The following CDH18 variants were observed in gnomAD, a reference collection of about 807,000 sequenced individuals.
CDH18 encodes the protein cadherin 18, also known as cadherin-18.
CDH18 carries 31 observed loss-of-function variants against 67.9 expected under a neutral mutation model. That is an observed-to-expected ratio of 0.46 (90% CI 0.34 to 0.62). The LOEUF is 0.62. CDH18 is among the 20% of genes least tolerant of loss of function. The pLI is 0.01. For missense variants in CDH18, 890 were observed against 975.5 expected, an observed-to-expected ratio of 0.91 and a Z score of 1.17; for synonymous variants, 362 against 347.2, an observed-to-expected ratio of 1.04 and a Z score of -0.48.
At chr5:20,141,793 G>A (rs934826002) in intron 2 of CDH18, among the ~76,000 whole-genome samples, 1 of 152,076 alleles carries the variant, frequency 6.6e-6, no homozygotes, top group African/African-American at 2.4e-5. Flanking sequence ...TGAATTGAAG[G>A]AGGAGGAATT....
intron 9 of CDH18, among the ~76,000 whole-genome samples, chr5:19,527,106 T>C: frequency 6.6e-6 from 1 of 151,924 alleles, no homozygotes; most frequent in Non-Finnish European, 1.5e-5. Context: ...ACGTGCTTGG[T>C]TAATGCTTTG....
intron 2 of CDH18, among the ~76,000 whole-genome samples, chr5:19,952,975 A>C (rs1795944560): frequency 6.6e-6 from 1 of 152,066 alleles, no homozygotes; most frequent in South Asian, 2.1e-4. Flanking sequence ...CTGACAAGGA[A>C]ATTAGACTAG....
At chr5:19,745,487 A>G (rs1251875340) in intron 4 of CDH18, among the ~76,000 whole-genome samples, 20 of 152,098 alleles carry the variant, frequency 1.3e-4, no homozygotes, top group Admixed American at 1.2e-3. Flanking sequence ...CACAGGTGGG[A>G]GCACCATAGA....
At chr5:20,489,234 C>A (rs1753426965) in intron 1 of CDH18, among the ~76,000 whole-genome samples, 1 of 152,024 alleles carries the variant, frequency 6.6e-6, no homozygotes, top group South Asian at 2.1e-4. Flanking sequence ...GATCTCTCCA[C>A]TCCCCTCTCA....
chr5:19,557,871 C>T (rs1294382672), intron 8 of CDH18, among the ~76,000 whole-genome samples: 1 of 151,972 alleles, frequency 6.6e-6, no homozygotes, highest in East Asian at 1.9e-4. Flanking sequence ...GGAACATTCT[C>T]CAAGAGAGAC....
At chr5:20,304,894 A>G (rs1172516339) in intron 1 of CDH18, 2 of 1,612,232 alleles carry the variant, frequency 1.2e-6, no homozygotes, top group African/African-American at 2.7e-5. Flanking sequence ...GTCTTTAAAG[A>G]TAGGTGTCAG....
intron 1 of CDH18, among the ~76,000 whole-genome samples, chr5:20,267,984 T>C (rs1745167030): frequency 6.6e-6 from 1 of 152,172 alleles, no homozygotes; most frequent in Non-Finnish European, 1.5e-5. Flanking sequence ...CCAGTGTTTA[T>C]CTTTCCCATC....
intron 2 of CDH18, among the ~76,000 whole-genome samples, chr5:19,963,007 G>A (rs956896179): frequency 6.6e-6 from 1 of 151,976 alleles, no homozygotes; most frequent in East Asian, 1.9e-4. Flanking sequence ...TTTTTTAAAT[G>A]TATTCTCTTA....
Position 20,334,645 on chromosome 5 carries a change from A to G in CDH18, c.-579-79140T>C, listed in dbSNP as rs558123315. On this transcript the variant is annotated intron_variant, in intron 1 of 14. Coordinates refer to the CDH18 transcript ENST00000507958. The stretch of plus-strand genomic sequence containing the variant: ...ATGGGGTGAAAGAAGAATAGTCCAC[A>G]TTAAGATTTCTATAACTAATAATAT... Among the ~76,000 whole-genome samples, 14 of 152,246 alleles carry G rather than the reference A, an allele frequency of 9.2e-5. No individual in the cohort carries two copies. The South Asian group carries it at 2.5e-3, about 27-fold the overall frequency.
chr5:20,526,080 T>C (rs1191141021), intron 1 of CDH18, among the ~76,000 whole-genome samples: 2 of 151,922 alleles, frequency 1.3e-5, no homozygotes, highest in Non-Finnish European at 2.9e-5. Flanking sequence ...CCCCTGCCAG[T>C]GCAAGGGAGG....
chr5:20,221,904 T>G (rs1741256767), intron 2 of CDH18, among the ~76,000 whole-genome samples: 1 of 152,198 alleles, frequency 6.6e-6, no homozygotes, highest in Non-Finnish European at 1.5e-5. Context: ...TGAAGTATTC[T>G]TTCTTCCTTT....
intron 1 of CDH18, among the ~76,000 whole-genome samples, chr5:20,436,059 A>C (rs549949895): frequency 6.6e-6 from 1 of 152,172 alleles, no homozygotes; most frequent in East Asian, 1.9e-4. Context: ...ATCTCATAAC[A>C]ATATTGGTTT....
At chr5:20,494,644 A>T (rs1753804044) in intron 1 of CDH18, among the ~76,000 whole-genome samples, 1 of 152,186 alleles carries the variant, frequency 6.6e-6, no homozygotes, top group South Asian at 2.1e-4. Flanking sequence ...AAATGTTAAC[A>T]AGTCAGTACC....
At chr5:20,302,705 A>T (rs1252490054) in intron 1 of CDH18, among the ~76,000 whole-genome samples, 1 of 152,180 alleles carries the variant, frequency 6.6e-6, no homozygotes, top group Admixed American at 6.5e-5. Flanking sequence ...AATTATTCAG[A>T]CTACTCTTTT....
At chr5:20,141,477 G>T (rs976839891) in intron 2 of CDH18, among the ~76,000 whole-genome samples, 1 of 152,116 alleles carries the variant, frequency 6.6e-6, no homozygotes, top group African/African-American at 2.4e-5. Flanking sequence ...AACTAAGACA[G>T]GTGAAAGAAT....
chr5:19,843,031 C>T (rs1782520128), intron 2 of CDH18, among the ~76,000 whole-genome samples: 1 of 152,142 alleles, frequency 6.6e-6, no homozygotes, highest in Non-Finnish European at 1.5e-5. Context: ...GGAAAATTTT[C>T]AGCCTGATCG....
chr5:20,116,698 C>A (rs1747940840), intron 2 of CDH18, among the ~76,000 whole-genome samples: 1 of 151,864 alleles, frequency 6.6e-6, no homozygotes, highest in South Asian at 2.1e-4. Flanking sequence ...GTGAAAGTAG[C>A]AAAAAATAAA....
intron 3 of CDH18, among the ~76,000 whole-genome samples, chr5:19,810,261 G>A (rs1176748058): frequency 6.6e-6 from 1 of 152,062 alleles, no homozygotes; most frequent in Non-Finnish European, 1.5e-5. Flanking sequence ...AACTTGGGAG[G>A]TGGAGGTTTC....
intron 5 of CDH18, among the ~76,000 whole-genome samples, chr5:19,637,579 T>A (rs955183001): frequency 1.3e-5 from 2 of 152,198 alleles, no homozygotes; most frequent in African/African-American, 4.8e-5. Flanking sequence ...TTTCCCAGTT[T>A]TAGCAAGAAT....
Sources: gnomAD v4.1 joint callset for allele counts (sites outside exome capture counted in the v4.1 genomes callset) on GRCh38, gnomAD v4.1.1 for gene constraint, MANE v1.5 for transcripts, NCBI Gene and HGNC (gene_info 2026-07-23, HGNC 2026-07-21) for gene names.